Variants in LSP1 observed in about 807,000 individuals in gnomAD.
LSP1 encodes the protein lymphocyte-specific protein 1.
A neutral mutation model predicts 49.3 loss-of-function variants in LSP1; 32 were observed. The observed-to-expected ratio is 0.65, with a 90% confidence interval of 0.49 to 0.87. The LOEUF is 0.87. Ranked by LOEUF, LSP1 falls within the 40% of genes least tolerant of loss-of-function variation. The probability of loss-of-function intolerance (pLI) is 0.00; values close to 1 mark genes in which losing one functional copy is unlikely to be tolerated. For missense variants in LSP1, 428 were observed against 442.6 expected (o/e 0.97, Z 0.30); for synonymous variants, 179 against 178.8 (o/e 1.00, Z -0.01).
rs1848674183 is a variant in LSP1, at chr11:1,884,478, T to C, written c.636-22T>C. ...GAAGCCTTGTGGGAGACATGGGGCCTGACACATCTTCTACCCTCCAGTAAC... is the reference window on the plus strand; with the variant it reads ...GAAGCCTTGTGGGAGACATGGGGCCCGACACATCTTCTACCCTCCAGTAAC... On this transcript the variant is annotated intron_variant, in intron 6 of 10. Coordinates refer to ENST00000311604, the MANE Select transcript of LSP1 (RefSeq NM_002339.3). The surrounding 1 kb of genome is among the most constrained non-coding windows in gnomAD (Gnocchi z 4.1). 6.2e-7 allele frequency: 1 copy of C among 1,610,152 alleles called. No homozygotes were observed. Among genetic ancestry groups the C allele is most frequent in the African/African-American group, 1.3e-5 (1 of 74,752 alleles).
At chr11:1,879,304 C>T (rs1202187249) in intron 1 of LSP1, among the ~76,000 whole-genome samples, 1 of 152,166 alleles carries the variant, frequency 6.6e-6, no homozygotes, top group Non-Finnish European at 1.5e-5. Context: ...CAGATCACAC[C>T]ATTGCACTCC....
chr11:1,861,999 GTGGA>G lies in LSP1; in HGVS notation c.53+8813_53+8816del, dbSNP rs529274240. On this transcript the variant is annotated intron_variant, in intron 1 of 10. Transcript: ENST00000311604. ...AATAGATGGATGGGTGAATGGATGG[GTGGA>G]TGGATGGATGAGTGGATGGATGGAT... Among the ~76,000 whole-genome samples the G allele has an allele frequency of 1.7e-3, 243 of 145,100 alleles. 1 individual carries two copies. Among genetic ancestry groups the G allele is most frequent in the Middle Eastern group, 3.9e-3 (1 of 256 alleles).
Position 1,870,357 on chromosome 11 carries a change from C to A in LSP1, c.54-9730C>A. The A allele has an allele frequency of 1.6e-5, 20 of 1,268,100 alleles. 1 individual carries two copies. The highest frequency in any genetic ancestry group is 2.1e-5 in the Non-Finnish European group (20 of 970,048). 78.6% of individuals were successfully genotyped at this position (1,268,100 alleles called of 1,614,324 possible). A position where few individuals can be genotyped will look rare whatever the true frequency, so the allele number is the denominator to read the frequency against. On this transcript the variant is annotated intron_variant, in intron 1 of 10. Coordinates refer to ENST00000311604, the MANE Select transcript of LSP1 (RefSeq NM_002339.3). ...CACCCGGGGACATACACCGGGGAGT[C>A]TCCTGGGAAAGAAGTGCCGGCCCAG...
At chr11:1,881,661 GCGC>G (rs1848550879) in intron 3 of LSP1, 65 bp downstream of exon 3, 1 of 1,438,474 alleles carries the variant, frequency 7.0e-7, no homozygotes, top group African/African-American at 1.5e-5. Context: ...TCGAGGGCGG[GCGC>G]TGGGCAGAGC....
At chr11:1,864,969 G>C (rs1039661563) in intron 1 of LSP1, among the ~76,000 whole-genome samples, 11 of 152,192 alleles carry the variant, frequency 7.2e-5, no homozygotes, top group African/African-American at 2.6e-4. Context: ...AGAAGGGACA[G>C]GGGAGGGGTG....
chr11:1,864,386 AG>A (rs1310955476), intron 1 of LSP1: 1 of 307,528 alleles, frequency 3.3e-6, no homozygotes, highest in Non-Finnish European at 4.7e-6. Context: ...TGCCTGGGGC[AG>A]GGGCACCACA....
intron 1 of LSP1, among the ~76,000 whole-genome samples, chr11:1,865,552 C>T (rs2133068063): frequency 6.9e-6 from 1 of 145,644 alleles, no homozygotes; most frequent in South Asian, 2.6e-4. Flanking sequence ...ACCCGCACCG[C>T]CGGCTGCACT....
intron 1 of LSP1, among the ~76,000 whole-genome samples, chr11:1,854,230 G>A (rs770346912): frequency 6.6e-6 from 1 of 152,146 alleles, no homozygotes; most frequent in Non-Finnish European, 1.5e-5. Context: ...GGAAGGGAAG[G>A]CGCTGGGGCC....
In LSP1 at chr11:1,880,109, G is replaced by A; in HGVS notation, c.76G>A (p.Glu26Lys). ...TAGGCCCACTGCTCAGTGGAGCGTG[G>A]AGGACGAGGAGGAGGCCGTCCACGA... Reference protein sequence around the residue: ...LLGPTAQWSVEDEEEAVHEQC... With the variant: ...LLGPTAQWSVKDEEEAVHEQC... Residue 26 changes from glutamate to lysine, a missense_variant, in exon 2 of 11, where the codon GAG (glutamate) becomes AAG (lysine). Physicochemically the swap from Glu to Lys is moderately conservative, Grantham distance 56. Transcript: ENST00000311604. 6.2e-7 allele frequency: 1 copy of A among 1,609,192 alleles called. No individual in the cohort carries two copies. Among genetic ancestry groups the A allele is most frequent in the Non-Finnish European group, 8.5e-7 (1 of 1,177,462 alleles).
intron 1 of LSP1, among the ~76,000 whole-genome samples, chr11:1,854,033 G>A (rs1485371340): frequency 6.6e-6 from 1 of 152,198 alleles, no homozygotes; most frequent in Non-Finnish European, 1.5e-5. Context: ...AGCCTCGCCA[G>A]GGGAACCCGA....
chr11:1,874,321 G>A (rs1848217717), intron 1 of LSP1, among the ~76,000 whole-genome samples: 1 of 142,476 alleles, frequency 7.0e-6, no homozygotes, highest in Non-Finnish European at 1.5e-5. Flanking sequence ...AGGGCAGGCC[G>A]GGGACAGTGG....
At chr11:1,861,892 T>A (rs1296949807) in intron 1 of LSP1, among the ~76,000 whole-genome samples, 1 of 139,500 alleles carries the variant, frequency 7.2e-6, no homozygotes, top group Non-Finnish European at 1.6e-5. Flanking sequence ...GATGAATAGA[T>A]GGATGGGTGA....
chr11:1,861,691 GTGGGTGGA>G (rs1847633978), intron 1 of LSP1, among the ~76,000 whole-genome samples: 4 of 125,242 alleles, frequency 3.2e-5, no homozygotes, highest in South Asian at 5.7e-4. Context: ...GGGTGGATGG[GTGGGTGGA>G]TGGATGGATG....
At chr11:1,883,898 G>A (rs1321215281) in intron 4 of LSP1, 34 bp from the exon 5 acceptor site, 1 of 1,567,982 alleles carries the variant, frequency 6.4e-7, no homozygotes, top group Non-Finnish European at 8.6e-7. Context: ...CACAAGCAGG[G>A]GGTCACTTGG....
intron 1 of LSP1, among the ~76,000 whole-genome samples, chr11:1,878,595 G>A (rs1340238313): frequency 1.3e-5 from 2 of 152,156 alleles, no homozygotes; most frequent in African/African-American, 2.4e-5. Flanking sequence ...TTTTGTCTGA[G>A]AGGCTTAGGG....
intron 1 of LSP1, among the ~76,000 whole-genome samples, chr11:1,855,437 GCAGGCCAAGCCCCTC>G (rs1489300483): frequency 6.6e-6 from 1 of 152,158 alleles, no homozygotes; most frequent in Non-Finnish European, 1.5e-5. Context: ...TAGGTCCAGG[GCAGGCCAAGCCCCTC>G]CAGCTGGACA....
chr11:1,864,682 G>A (rs1410474753), intron 1 of LSP1, among the ~76,000 whole-genome samples: 1 of 151,994 alleles, frequency 6.6e-6, no homozygotes, highest in East Asian at 1.9e-4. Context: ...GCTGCTGAGA[G>A]TCCTGAAGTA....
chr11:1,867,028 C>A, intron 1 of LSP1: 2 of 1,051,236 alleles, frequency 1.9e-6, no homozygotes, highest in Non-Finnish European at 2.7e-6. Flanking sequence ...AGGGCCAGTC[C>A]CTGTGGACCT....
chr11:1,881,931 G>A (rs1009683677), intron 3 of LSP1, among the ~76,000 whole-genome samples: 1 of 152,178 alleles, frequency 6.6e-6, no homozygotes, highest in Non-Finnish European at 1.5e-5. Flanking sequence ...CATCCAGGCA[G>A]CTGCGAGGCC....
Sources: allele counts gnomAD v4.1 joint callset (sites outside exome capture counted in the v4.1 genomes callset), GRCh38; gene constraint gnomAD v4.1.1; non-coding constraint Gnocchi (gnomAD v3.1); transcripts MANE v1.5; gene names NCBI Gene and HGNC (gene_info 2026-07-23, HGNC 2026-07-21).